The following TAFA5 variants were observed in gnomAD, a reference collection of about 807,000 sequenced individuals.
TAFA5 encodes the protein TAFA chemokine like family member 5, also known as chemokine-like protein TAFA-5.
Under a neutral mutation model 15.3 loss-of-function variants are expected in TAFA5, and 6 were observed. That is an observed-to-expected ratio of 0.39 (90% confidence interval 0.21 to 0.77). The LOEUF (loss-of-function observed/expected upper bound fraction) is 0.77. Ranked by LOEUF, TAFA5 falls within the 30% of genes least tolerant of loss-of-function variation. TAFA5 has a pLI of 0.41. For missense variants in TAFA5, 161 were observed against 193.1 expected, an observed-to-expected ratio of 0.83 and a Z score of 0.98; for synonymous variants, 103 against 80.7, an observed-to-expected ratio of 1.28 and a Z score of -1.48.
chr22:48,707,861 T>C lies in TAFA5; in HGVS notation c.390+17T>C. 1 of 1,609,096 alleles carries C rather than the reference T, an allele frequency of 6.2e-7. No homozygotes were observed. The highest frequency in any genetic ancestry group is 2.2e-5 in the East Asian group (1 of 44,786). On this transcript the variant is annotated intron_variant, in intron 3 of 3. Transcript: ENST00000402357. Reference sequence around the variant, plus strand: ...ACCACCACGGTATGTGGCCCTCGGCTTTCTCGTGGGTGTGCTGGGGAGGGG... The same window carrying C: ...ACCACCACGGTATGTGGCCCTCGGCCTTCTCGTGGGTGTGCTGGGGAGGGG...
intron 1 of TAFA5, among the ~76,000 whole-genome samples, chr22:48,547,738 C>G (rs1046487618): frequency 2.6e-5 from 4 of 152,152 alleles, no homozygotes; most frequent in Admixed American, 2.6e-4. Context: ...TTAGGAATGT[C>G]CATCTCTGGC....
At chr22:48,712,563 A>C (rs130160) in intron 3 of TAFA5, among the ~76,000 whole-genome samples, 2 of 152,080 alleles carry the variant, frequency 1.3e-5, no homozygotes, top group African/African-American at 2.4e-5. Context: ...CTAGGTTGCT[A>C]TGAAAGGCTG....
intron 2 of TAFA5, among the ~76,000 whole-genome samples, chr22:48,648,346 T>C (rs1023780248): frequency 3.3e-5 from 5 of 152,140 alleles, no homozygotes; most frequent in African/African-American, 7.2e-5. Context: ...GATGCCCAAC[T>C]TCGGATCCCA....
In TAFA5 at chr22:48,693,192, C is replaced by A. The variant is rs980532077; in HGVS notation, c.263-14525C>A. 3 of 1,091,798 alleles carry A rather than the reference C, an allele frequency of 2.7e-6. No individual in the cohort carries two copies. In the African/African-American group the frequency reaches 4.7e-5, roughly 17 times the overall value. The allele number at this position is 1,091,798 out of a possible 1,614,324, so 67.6% of individuals were successfully genotyped here. A position where few individuals can be genotyped will look rare whatever the true frequency, so the allele number is the denominator to read the frequency against. The stretch of plus-strand genomic sequence containing the variant: ...ATACGTCCTTGTCTGCCTGGAGGGG[C>A]CTCAGTGACGGGGCCTCACTCGTCC... On this transcript the variant is annotated intron_variant, in intron 2 of 3. Coordinates refer to ENST00000402357, the MANE Select transcript of TAFA5 (RefSeq NM_001082967.3).
intron 3 of TAFA5, among the ~76,000 whole-genome samples, chr22:48,722,738 T>C (rs1171207840): frequency 6.6e-6 from 1 of 152,138 alleles, no homozygotes; most frequent in Non-Finnish European, 1.5e-5. Context: ...AAGATCAACA[T>C]GCAAGGTGGG....
intron 3 of TAFA5, among the ~76,000 whole-genome samples, chr22:48,721,014 C>T (rs1466015358): frequency 1.3e-5 from 2 of 152,218 alleles, no homozygotes; most frequent in East Asian, 3.9e-4. Context: ...GCCCCCTCTC[C>T]TGAGGGCGCT....
chr22:48,633,773 A>T (rs7287640), intron 1 of TAFA5, among the ~76,000 whole-genome samples: 7,348 of 152,294 alleles, frequency 0.048, 294 homozygotes, highest in Admixed American at 0.13. Context: ...ATATTAAGTC[A>T]TCTTTAGTTA....
chr22:48,691,589 C>T (rs538172145), intron 2 of TAFA5, among the ~76,000 whole-genome samples: 9 of 152,320 alleles, frequency 5.9e-5, no homozygotes, highest in African/African-American at 1.2e-4. Flanking sequence ...GGCTGGGCAA[C>T]GGAGGACGCG....
intron 1 of TAFA5, among the ~76,000 whole-genome samples, chr22:48,525,838 C>T (rs529701545): frequency 6.6e-6 from 1 of 152,302 alleles, no homozygotes; most frequent in African/African-American, 2.4e-5. Context: ...ACGAGGCATC[C>T]TGAGGTCGCC....
At chr22:48,512,353 T>A (rs905578199) in intron 1 of TAFA5, among the ~76,000 whole-genome samples, 3 of 152,220 alleles carry the variant, frequency 2.0e-5, no homozygotes, top group Non-Finnish European at 4.4e-5. Context: ...ACGCCTGTAA[T>A]CCCAGCACTT....
chr22:48,654,821 G>A (rs1486735595), intron 2 of TAFA5, among the ~76,000 whole-genome samples: 3 of 152,180 alleles, frequency 2.0e-5, no homozygotes, highest in Non-Finnish European at 4.4e-5. Context: ...CCAGGCAGAA[G>A]GCCCCTGATG....
At chr22:48,635,112 C>T (rs974848548) in intron 1 of TAFA5, among the ~76,000 whole-genome samples, 1 of 152,128 alleles carries the variant, frequency 6.6e-6, no homozygotes, top group Non-Finnish European at 1.5e-5. Flanking sequence ...GAACGCAGAG[C>T]ACAGCCGGCC....
intron 1 of TAFA5, among the ~76,000 whole-genome samples, chr22:48,628,589 C>A (rs1055143874): frequency 6.6e-6 from 1 of 152,200 alleles, no homozygotes; most frequent in East Asian, 1.9e-4. Flanking sequence ...TTCGCCACCC[C>A]CTCCAGGAGA....
chr22:48,718,285 A>T (rs1344552365), intron 3 of TAFA5, among the ~76,000 whole-genome samples: 1 of 152,110 alleles, frequency 6.6e-6, no homozygotes. Flanking sequence ...GTCATTAGTC[A>T]GCAAAGGCCG....
At chr22:48,653,012 C>T (rs938278692) in intron 2 of TAFA5, among the ~76,000 whole-genome samples, 3 of 152,234 alleles carry the variant, frequency 2.0e-5, no homozygotes, top group Non-Finnish European at 4.4e-5. Context: ...GCTGGTGTGG[C>T]CCTCTGCTTG....
chr22:48,564,835 G>A (rs889866636), intron 1 of TAFA5, among the ~76,000 whole-genome samples: 11 of 152,244 alleles, frequency 7.2e-5, no homozygotes, highest in African/African-American at 2.7e-4. Context: ...CAGCATGGAA[G>A]CAGGACAGCT....
intron 1 of TAFA5, among the ~76,000 whole-genome samples, chr22:48,596,268 C>T (rs1004730002): frequency 2.6e-5 from 4 of 152,188 alleles, no homozygotes; most frequent in East Asian, 1.9e-4. Context: ...CAGGACTGAG[C>T]GTTGGTTTCT....
intron 2 of TAFA5, among the ~76,000 whole-genome samples, chr22:48,675,358 G>A (rs1055222797): frequency 1.3e-5 from 2 of 152,252 alleles, no homozygotes; most frequent in African/African-American, 4.8e-5. Flanking sequence ...CTGGGCCTCA[G>A]AGGTTGCAGC....
chr22:48,584,940 C>T (rs1924284266), intron 1 of TAFA5, among the ~76,000 whole-genome samples: 1 of 133,610 alleles, frequency 7.5e-6, no homozygotes, highest in Non-Finnish European at 1.7e-5. Context: ...AAATACACTG[C>T]ACTGATATCA....
Sources: allele counts gnomAD v4.1 joint callset (sites outside exome capture counted in the v4.1 genomes callset), GRCh38; gene constraint gnomAD v4.1.1; transcripts MANE v1.5; gene names NCBI Gene and HGNC (gene_info 2026-07-23, HGNC 2026-07-21).